The following DCAF6 variants were observed in gnomAD, a reference collection of about 807,000 sequenced individuals.
DCAF6 encodes DDB1- and CUL4-associated factor 6.
Under a neutral mutation model 125.1 loss-of-function variants are expected in DCAF6, and 54 were observed. The observed-to-expected ratio is 0.43, with a 90% CI of 0.35 to 0.54. The LOEUF (loss-of-function observed/expected upper bound fraction) is 0.54. Among genes scored for constraint, DCAF6 ranks in the 20% least tolerant of loss-of-function variants. The probability of loss-of-function intolerance (pLI) is 0.01; values close to 1 mark genes in which losing one functional copy is unlikely to be tolerated. For missense variants in DCAF6, 934 were observed against 1,161.7 expected (o/e 0.80, Z 2.85); for synonymous variants, 371 against 390.4 (o/e 0.95, Z 0.58).
chr1:167,874,491 AAAGATGAAGAAC>A, the DCAF6 span, among the ~76,000 whole-genome samples: 1 of 152,240 alleles, frequency 6.6e-6, no homozygotes, highest in Admixed American at 6.5e-5. Context: ...AGTTGTTGCC[AAAGATGAAGAAC>A]AACTGGAACT....
chr1:167,939,904 C>T (rs1030544228), intron 1 of DCAF6, among the ~76,000 whole-genome samples: 2 of 152,194 alleles, frequency 1.3e-5, no homozygotes, highest in African/African-American at 4.8e-5. Flanking sequence ...GATTGTCTAT[C>T]TACAGGGTTG....
the DCAF6 span, among the ~76,000 whole-genome samples, chr1:167,881,269 G>A: frequency 6.9e-4 from 105 of 152,304 alleles, no homozygotes; most frequent in African/African-American, 2.5e-3. Flanking sequence ...TGTAGTATTA[G>A]TCACTTAAAA....
intron 1 of DCAF6, among the ~76,000 whole-genome samples, chr1:167,951,419 A>G (rs544040272): frequency 4.8e-4 from 73 of 152,282 alleles, no homozygotes; most frequent in South Asian, 1.4e-3. Context: ...TACTAAAAAT[A>G]CAAAAGTTAG....
the DCAF6 span, chr1:167,901,729 G>C: frequency 2.6e-5 from 42 of 1,613,978 alleles, no homozygotes; most frequent in Non-Finnish European, 3.5e-5. Context: ...GGATCTCCAG[G>C]CTACATTTAA....
At chr1:167,891,048 G>A in the DCAF6 span, among the ~76,000 whole-genome samples, 11,652 of 152,024 alleles carry the variant, frequency 0.077, 550 homozygotes, top group South Asian at 0.13. Flanking sequence ...TGCAACCTCC[G>A]CCTCCTGGGT....
rs117645438 is a variant in DCAF6, at chr1:168,022,020, G to A, written c.1550-968G>A. Among the ~76,000 whole-genome samples the A allele has an allele frequency of 1.4e-4, 21 of 152,106 alleles. No homozygotes were observed. The East Asian group carries it at 3.3e-3, about 24-fold the overall frequency. On this transcript the variant is annotated intron_variant, in intron 11 of 21. Transcript: ENST00000367840. ...TTATTACCTATGTTTCTCTTTTACT[G>A]TAGCCCTACTGGAACACCTATTCCC...
At chr1:168,011,572 A>G (rs762489281) in intron 10 of DCAF6, among the ~76,000 whole-genome samples, 2 of 152,338 alleles carry the variant, frequency 1.3e-5, no homozygotes, top group East Asian at 3.9e-4. Flanking sequence ...TCTGTTGTGC[A>G]CCATATCAAA....
chr1:167,954,353 A>C (rs543625889), intron 2 of DCAF6, among the ~76,000 whole-genome samples: 3 of 152,022 alleles, frequency 2.0e-5, no homozygotes, highest in Non-Finnish European at 4.4e-5. Flanking sequence ...AGCTGGTAAG[A>C]CTGTTGCCAG....
rs763026973 is a variant in DCAF6 at position 168,068,354 on chromosome 1, G to A, written c.2686-4G>A. The A allele has an allele frequency of 5.6e-6, 9 of 1,599,406 alleles. No individual in the cohort carries two copies. The highest frequency in any genetic ancestry group is 3.4e-5 in the Admixed American group (2 of 59,350). ...TTTGATACGATTTTTAACTTGCCTT[G>A]TAGGTTATAACTCGAAACGAACTCA... On this transcript the variant is annotated splice_polypyrimidine_tract_variant and splice_region_variant and intron_variant, in intron 20 of 21. Transcript: ENST00000367840.
chr1:167,966,227 T>A (rs551600367), intron 2 of DCAF6, among the ~76,000 whole-genome samples: 1 of 152,346 alleles, frequency 6.6e-6, no homozygotes, highest in Non-Finnish European at 1.5e-5. Flanking sequence ...CTAAGCTTCT[T>A]ACGTGTGGAA....
chr1:167,992,397 A>G (rs982660288), intron 6 of DCAF6, among the ~76,000 whole-genome samples: 1 of 152,212 alleles, frequency 6.6e-6, no homozygotes, highest in South Asian at 2.1e-4. Context: ...TGAGATGGGA[A>G]TACCAGATGA....
At chr1:168,004,949 T>C (rs1291514695) in intron 10 of DCAF6, among the ~76,000 whole-genome samples, 156 bp downstream of exon 10, 1 of 152,198 alleles carries the variant, frequency 6.6e-6, no homozygotes, top group Non-Finnish European at 1.5e-5. Flanking sequence ...AACACAAAAA[T>C]TAATTATGTC....
the DCAF6 span, among the ~76,000 whole-genome samples, chr1:167,881,786 T>C: frequency 6.6e-6 from 1 of 152,242 alleles, no homozygotes. Context: ...CTGGGAATCT[T>C]TGGAGCCATG....
the DCAF6 span, among the ~76,000 whole-genome samples, chr1:167,909,401 G>C: frequency 6.6e-6 from 1 of 152,186 alleles, no homozygotes; most frequent in Non-Finnish European, 1.5e-5. Context: ...ATACACAGGA[G>C]TGGAATTGCT....
At chr1:167,925,442 C>CGTGTATATAT in the DCAF6 span, among the ~76,000 whole-genome samples, 22 of 82,444 alleles carry the variant, frequency 2.7e-4, no homozygotes, top group African/African-American at 1.0e-3. Context: ...TACATATACA[C>CGTGTATATAT]ATATATATAT....
intron 2 of DCAF6, among the ~76,000 whole-genome samples, chr1:167,956,432 T>C (rs1276465731): frequency 2.0e-5 from 3 of 152,188 alleles, no homozygotes; most frequent in Non-Finnish European, 4.4e-5. Flanking sequence ...ATTACTGATA[T>C]TGGTAATATT....
At chr1:168,074,295 G>C (rs1480623668) in intron 21 of DCAF6, among the ~76,000 whole-genome samples, 1 of 151,980 alleles carries the variant, frequency 6.6e-6, no homozygotes, top group Non-Finnish European at 1.5e-5. Flanking sequence ...TTCTCTTGCT[G>C]TTGACAGTGG....
the DCAF6 span, among the ~76,000 whole-genome samples, chr1:167,874,441 C>A: frequency 0.015 from 2,317 of 152,250 alleles, 25 homozygotes; most frequent in East Asian, 0.076. Flanking sequence ...CCACTATACA[C>A]CCAACAGAAT....
At chr1:167,882,501 AAAAG>A in the DCAF6 span, among the ~76,000 whole-genome samples, 1 of 151,774 alleles carries the variant, frequency 6.6e-6, no homozygotes. Flanking sequence ...AAAAAAAAAA[AAAAG>A]AACAGAGCGA....
Sources: allele counts gnomAD v4.1 joint callset (sites outside exome capture counted in the v4.1 genomes callset), GRCh38; gene constraint gnomAD v4.1.1; transcripts MANE v1.5; gene names NCBI Gene and HGNC (gene_info 2026-07-23, HGNC 2026-07-21).